PPFIA2: variants seen among roughly 807,000 people sequenced by gnomAD.
The protein encoded by PPFIA2 is PPFI scaffold protein A2, also known as liprin-alpha-2.
A neutral mutation model predicts 175.5 loss-of-function variants in PPFIA2; 46 were observed. The ratio of observed to expected loss-of-function variants is 0.26; its 90% CI spans 0.21 to 0.34. PPFIA2 has a LOEUF of 0.34. Among genes scored for constraint, PPFIA2 ranks in the 10% least tolerant of loss-of-function variants. PPFIA2 has a pLI of 1.00. For synonymous variants in PPFIA2, 568 were observed against 511.4 expected (o/e 1.11, Z -1.49); for missense variants, 1,179 against 1,506.1 (o/e 0.78, Z 3.60).
At chr12:81,538,795 T>C (rs1208419414) in intron 4 of PPFIA2, among the ~76,000 whole-genome samples, 2 of 151,778 alleles carry the variant, frequency 1.3e-5, no homozygotes, top group Non-Finnish European at 2.9e-5. Flanking sequence ...GTCGTGTCCA[T>C]GGGTCATTCT....
At chr12:81,534,861 T>C (rs922708289) in intron 4 of PPFIA2, among the ~76,000 whole-genome samples, 1 of 151,490 alleles carries the variant, frequency 6.6e-6, no homozygotes, top group African/African-American at 2.4e-5. Context: ...CCCCAGTCAG[T>C]GTTGAAATTC....
chr12:81,468,854 T>TA (rs1252910825), intron 4 of PPFIA2, among the ~76,000 whole-genome samples: 1 of 150,050 alleles, frequency 6.7e-6, no homozygotes, highest in Non-Finnish European at 1.5e-5. Context: ...CTTTGTGTTA[T>TA]AATATGTTAT....
chr12:81,281,973 A>T (rs142744427), intron 26 of PPFIA2, among the ~76,000 whole-genome samples: 2 of 152,054 alleles, frequency 1.3e-5, no homozygotes, highest in African/African-American at 2.4e-5. Context: ...GTTACTTAGC[A>T]AAGCAGGTCG....
chr12:81,695,364 T>G (rs1448738687), intron 3 of PPFIA2, among the ~76,000 whole-genome samples: 1 of 152,136 alleles, frequency 6.6e-6, no homozygotes, highest in Non-Finnish European at 1.5e-5. Context: ...GGTGTCTTTG[T>G]GGTAGTAAGC....
At chr12:81,335,995 A>G (rs1455515853) in intron 21 of PPFIA2, among the ~76,000 whole-genome samples, 1 of 152,136 alleles carries the variant, frequency 6.6e-6, no homozygotes, top group Non-Finnish European at 1.5e-5. Flanking sequence ...TCACTGATTC[A>G]TTTGAGTCTA....
chr12:81,727,270 T>C (rs2080218181), intron 3 of PPFIA2, among the ~76,000 whole-genome samples: 3 of 151,394 alleles, frequency 2.0e-5, no homozygotes, highest in Admixed American at 2.0e-4. Flanking sequence ...GAATTCATAG[T>C]ACTAGGAGTC....
chr12:81,718,352 C>T (rs1429399918), intron 3 of PPFIA2, among the ~76,000 whole-genome samples: 1 of 151,456 alleles, frequency 6.6e-6, no homozygotes, highest in African/African-American at 2.4e-5. Flanking sequence ...TAAATCAAGA[C>T]AGAACTAGCC....
chr12:81,466,731 T>C (rs2055702042), intron 4 of PPFIA2, among the ~76,000 whole-genome samples: 1 of 151,918 alleles, frequency 6.6e-6, no homozygotes, highest in Non-Finnish European at 1.5e-5. Flanking sequence ...ACAGATTGGT[T>C]GGGAACGTAT....
At chr12:81,343,931 A>T (rs2140430627) in intron 19 of PPFIA2, among the ~76,000 whole-genome samples, 1 of 152,158 alleles carries the variant, frequency 6.6e-6, no homozygotes, top group Non-Finnish European at 1.5e-5. Context: ...TTCACATGCA[A>T]ACCAAACAAC....
intron 3 of PPFIA2, among the ~76,000 whole-genome samples, chr12:81,701,688 T>C: frequency 6.6e-6 from 1 of 152,000 alleles, no homozygotes; most frequent in East Asian, 1.9e-4. Flanking sequence ...TTATGAGACA[T>C]AGTGCTCAAT....
chr12:81,398,997 G>A (rs2041669714), intron 8 of PPFIA2, among the ~76,000 whole-genome samples: 1 of 151,918 alleles, frequency 6.6e-6, no homozygotes, highest in Non-Finnish European at 1.5e-5. Flanking sequence ...AATTTCTGGG[G>A]AGCTTGTGTT....
At chr12:81,709,474 C>T (rs2077611741) in intron 3 of PPFIA2, among the ~76,000 whole-genome samples, 1 of 151,980 alleles carries the variant, frequency 6.6e-6, no homozygotes, top group African/African-American at 2.4e-5. Context: ...AAACAAACTA[C>T]CATTAACAAA....
intron 8 of PPFIA2, among the ~76,000 whole-genome samples, chr12:81,399,523 T>C (rs1009808956): frequency 8.5e-5 from 13 of 152,078 alleles, no homozygotes; most frequent in African/African-American, 3.1e-4. Flanking sequence ...ATATAGAAGA[T>C]TCCAGACCTT....
intron 4 of PPFIA2, among the ~76,000 whole-genome samples, chr12:81,529,506 T>TAG (rs201287407): frequency 1.5e-4 from 22 of 146,100 alleles, no homozygotes; most frequent in Non-Finnish European, 1.1e-4. Context: ...TCCAAGTAAA[T>TAG]AGAGAGAGAG....
intron 4 of PPFIA2, among the ~76,000 whole-genome samples, chr12:81,485,362 C>T (rs2058699484): frequency 6.6e-6 from 1 of 151,342 alleles, no homozygotes; most frequent in South Asian, 2.1e-4. Flanking sequence ...TATAATTATT[C>T]TTACATATTA....
chr12:81,526,811 G>A (rs1268513419), intron 4 of PPFIA2, among the ~76,000 whole-genome samples: 1 of 152,056 alleles, frequency 6.6e-6, no homozygotes, highest in East Asian at 1.9e-4. Context: ...GTTCTGAGTA[G>A]GTTTAGTTTG....
At chr12:81,450,482 GTTGT>G (rs1210559700) in intron 5 of PPFIA2, among the ~76,000 whole-genome samples, 3 of 152,100 alleles carry the variant, frequency 2.0e-5, no homozygotes, top group Admixed American at 6.6e-5. Flanking sequence ...TTTTGATAGG[GTTGT>G]TTGTTTTTTT....
intron 1 of PPFIA2, 115 bp downstream of exon 1, chr12:81,759,165 C>A (rs2085138738): frequency 8.6e-6 from 1 of 116,248 alleles, no homozygotes; most frequent in East Asian, 3.4e-4. Flanking sequence ...CGTCCCCCGG[C>A]CCCCCTTCCC....
intron 3 of PPFIA2, among the ~76,000 whole-genome samples, chr12:81,719,731 C>A (rs1170547648): frequency 6.6e-6 from 1 of 151,372 alleles, no homozygotes. Context: ...CCTGAAATTT[C>A]AATAATATAT....
Sources: gnomAD v4.1 joint callset for allele counts (sites outside exome capture counted in the v4.1 genomes callset) on GRCh38, gnomAD v4.1.1 for gene constraint, MANE v1.5 for transcripts, NCBI Gene and HGNC (gene_info 2026-07-23, HGNC 2026-07-21) for gene names.